Variants in AMPD3 observed in about 807,000 individuals in gnomAD.
AMPD3 encodes the protein AMP deaminase 3.
A neutral mutation model predicts 82.3 loss-of-function variants in AMPD3; 57 were observed. The observed-to-expected ratio is 0.69, with a 90% CI of 0.56 to 0.86. The LOEUF (loss-of-function observed/expected upper bound fraction) is 0.86, where lower values mean the gene tolerates loss of function less well. Ranked by LOEUF, AMPD3 falls within the 40% of genes least tolerant of loss-of-function variation. AMPD3 has a pLI of 0.00. For synonymous variants in AMPD3, 381 were observed against 394.7 expected, an observed-to-expected ratio of 0.97 and a Z score of 0.41; for missense variants, 870 against 1,003.8, an observed-to-expected ratio of 0.87 and a Z score of 1.80.
At chr11:10,478,355 C>A in intron 2 of AMPD3, 171 bp from the exon 3 acceptor site, 1 of 984,462 alleles carries the variant, frequency 1.0e-6, no homozygotes, top group Non-Finnish European at 1.2e-6. Flanking sequence ...CTATCTCAGG[C>A]AGACATGTGT....
rs1317887827 is a variant in AMPD3 at position 10,485,033 on chromosome 11, G to T, written c.803G>T (p.Gly268Val). The T allele has an allele frequency of 6.2e-7, 1 of 1,613,024 alleles. No individual in the cohort carries two copies. Among genetic ancestry groups the T allele is most frequent in the South Asian group, 1.1e-5 (1 of 90,978 alleles). ...MSHILALITDGPTKTYCHRRL... is the reference protein window; with the variant it reads ...MSHILALITDVPTKTYCHRRL... ...CACATCCTGGCTCTCATCACCGATG[G>T]CCCCACGTAAGCTAGCTTCTCCGCG... is the stretch of plus-strand genomic sequence containing the variant. The change falls in exon 5 of 15, where the codon GGC (glycine) becomes GTC (valine). Residue 268 changes from glycine to valine, a missense_variant. By Grantham distance (109) the Gly-to-Val change is moderately radical. Coordinates refer to ENST00000396553, the MANE Select transcript of AMPD3 (RefSeq NM_001025389.2).
At chr11:10,505,089 G>C in intron 14 of AMPD3, 1 of 984,100 alleles carries the variant, frequency 1.0e-6, no homozygotes, top group Non-Finnish European at 1.2e-6. Context: ...AATATTTCTT[G>C]AATAGATGAA....
At position 10,495,119 on chromosome 11, in the gene AMPD3, C is replaced by T. The variant is rs189967662; in HGVS notation, c.1266+89C>T. ...TGGGGGCCCTGTGTGCCCCTGGCCC[C>T]TTCCCCTCCCTCTGTGTACCATCAG... On this transcript the variant is annotated intron_variant, in intron 8 of 14. Coordinates refer to ENST00000396553, the MANE Select transcript of AMPD3 (RefSeq NM_001025389.2). 12,232 of 1,611,182 alleles carry T rather than the reference C, an allele frequency of 7.6e-3. 66 individuals carry two copies. Among genetic ancestry groups the T allele is most frequent in the Non-Finnish European group, 9.5e-3 (11,253 of 1,179,012 alleles).
At chr11:10,493,225 T>G in intron 6 of AMPD3, 124 bp from the exon 7 acceptor site, 1 of 1,122,878 alleles carries the variant, frequency 8.9e-7, no homozygotes, top group Non-Finnish European at 1.3e-6. Context: ...ATCCAGACAC[T>G]GGTGGGGCTG....
At chr11:10,457,756 A>G (rs7109334) in intron 1 of AMPD3, among the ~76,000 whole-genome samples, 26,947 of 151,980 alleles carry the variant, frequency 0.18, 2,646 homozygotes, top group Admixed American at 0.29. Context: ...TTAGCCAGGC[A>G]TAGTGGTGTG....
At chr11:10,494,123 T>A (rs567063122) in intron 7 of AMPD3, among the ~76,000 whole-genome samples, 24 of 152,158 alleles carry the variant, frequency 1.6e-4, no homozygotes, top group Non-Finnish European at 2.9e-4. Context: ...ATGTGGTATA[T>A]CCATACAACG....
intron 6 of AMPD3, among the ~76,000 whole-genome samples, chr11:10,492,981 G>A (rs1287486677): frequency 6.6e-6 from 1 of 152,184 alleles, no homozygotes; most frequent in Non-Finnish European, 1.5e-5. Context: ...AGCACAGAAT[G>A]GGGCAGTGGC....
In AMPD3 at chr11:10,456,156, G is replaced by A. The variant is rs1848086838; in HGVS notation, c.-6+708G>A. ...ACTGGGATTACCTGGGGACTTCAGG[G>A]CTCTTGGAAATTTTCCACTCATATT... is the stretch of plus-strand genomic sequence containing the variant. On this transcript the variant is annotated intron_variant, in intron 1 of 14. Transcript: ENST00000396553. This position sits in a 1 kb window ranked among gnomAD's most constrained non-coding sequence, Gnocchi z 4.3. The A allele has an allele frequency of 4.3e-6, 6 of 1,392,974 alleles. No individual in the cohort carries two copies. The highest frequency in any genetic ancestry group is 4.6e-6 in the Non-Finnish European group (5 of 1,075,598). 86.3% of individuals were successfully genotyped at this position (1,392,974 alleles called of 1,614,324 possible).
In AMPD3 at chr11:10,478,523, TAGAA is replaced by T. The variant is rs762671001; in HGVS notation, c.225_228del (p.Lys76ValfsTer4). 3.1e-6 allele frequency: 5 copies of T among 1,614,142 alleles called. No homozygotes were observed. The East Asian group carries it at 6.7e-5, about 22-fold the overall frequency. ...CCCACTTTTCCTTGTCCTTGGCTCT[TAGAA>T]AGAAAAGTTTCAAGATGATTCGGTC... On this transcript the variant is annotated splice_acceptor_variant and coding_sequence_variant, in exon 3 of 15. Coordinates refer to ENST00000396553, the MANE Select transcript of AMPD3 (RefSeq NM_001025389.2). LOFTEE classifies it high-confidence loss of function.
At chr11:10,476,199 T>G (rs1401357323) in intron 2 of AMPD3, among the ~76,000 whole-genome samples, 1 of 151,990 alleles carries the variant, frequency 6.6e-6, no homozygotes, top group Admixed American at 6.6e-5. Flanking sequence ...TCAAGGGGAG[T>G]GAGCCCTGAG....
chr11:10,495,213 A>G (rs1849358052), intron 8 of AMPD3, 183 bp downstream of exon 8: 1 of 985,264 alleles, frequency 1.0e-6, no homozygotes, highest in African/African-American at 1.7e-5. Flanking sequence ...GCAGTGCTGC[A>G]TGTGCCAACT....
intron 2 of AMPD3, 126 bp downstream of exon 2, chr11:10,461,866 T>TAAGG: frequency 1.1e-6 from 1 of 883,740 alleles, no homozygotes; most frequent in Non-Finnish European, 1.8e-6. Flanking sequence ...GTTGGTTCCT[T>TAAGG]AACCAAGACC....
intron 4 of AMPD3, 117 bp from the exon 5 acceptor site, chr11:10,484,703 G>A: frequency 1.5e-6 from 2 of 1,321,008 alleles, no homozygotes; most frequent in Non-Finnish European, 2.2e-6. Context: ...TGAGATGCGG[G>A]GCCGGCGCAG....
chr11:10,496,555 C>A, intron 9 of AMPD3: 1 of 985,232 alleles, frequency 1.0e-6, no homozygotes, highest in Middle Eastern at 5.2e-4. Context: ...TGCCACCATC[C>A]CATTCCTAGT....
At chr11:10,497,770 G>T (rs973415208) in intron 10 of AMPD3, 17 of 985,152 alleles carry the variant, frequency 1.7e-5, no homozygotes, top group Non-Finnish European at 2.0e-5. Flanking sequence ...GGAGACAGGA[G>T]GGGAGCTTGA....
chr11:10,464,624 G>C (rs1338264834), intron 2 of AMPD3, among the ~76,000 whole-genome samples: 1 of 152,146 alleles, frequency 6.6e-6, no homozygotes, highest in East Asian at 1.9e-4. Context: ...CTGAAAAAAA[G>C]CTTGGTCCCT....
rs1849723894 is a variant in AMPD3, at chr11:10,506,781, T to C, written c.*897T>C. 6.6e-6 allele frequency: 1 copy of C among 152,246 alleles called. No individual in the cohort carries two copies. The highest frequency in any genetic ancestry group is 2.4e-5 in the African/African-American group (1 of 41,454). The allele number at this position is 152,246 out of a possible 1,614,324, so 9.4% of individuals were successfully genotyped here. ...TTTACCAATTAAGAGTTAGGCCAGA[T>C]AAGTGAAATTTAACTTAAGGGCACA... On this transcript the variant is annotated 3_prime_UTR_variant, in exon 15 of 15. Transcript: ENST00000396553. The surrounding 1 kb of genome is among the most constrained non-coding windows in gnomAD (Gnocchi z 4.1).
At chr11:10,457,828 G>A (rs892843830) in intron 1 of AMPD3, among the ~76,000 whole-genome samples, 4 of 152,170 alleles carry the variant, frequency 2.6e-5, no homozygotes, top group African/African-American at 4.8e-5. Flanking sequence ...CTGTGAGGTC[G>A]AGGCTGCAGT....
Position 10,499,744 on chromosome 11 carries a change from C to T in AMPD3, c.1558-342C>T, listed in dbSNP as rs1436038489. ...ATGGCCACTCCTCCCTGCAGGCTGG[C>T]CTCGGCATAGCAGAGGGGCAGGTGG... On this transcript the variant is annotated intron_variant, in intron 10 of 14. Coordinates refer to ENST00000396553, the MANE Select transcript of AMPD3 (RefSeq NM_001025389.2). 9.1e-6 allele frequency: 9 copies of T among 985,448 alleles called. No individual in the cohort carries two copies. The East Asian group carries it at 9.1e-4, about 99-fold the overall frequency. 61.0% of individuals were successfully genotyped at this position (985,448 alleles called of 1,614,324 possible). A position where few individuals can be genotyped will look rare whatever the true frequency, so the allele number is the denominator to read the frequency against.
Sources: gnomAD v4.1 joint callset for allele counts (sites outside exome capture counted in the v4.1 genomes callset) on GRCh38, gnomAD v4.1.1 for gene constraint, Gnocchi (gnomAD v3.1) non-coding constraint, MANE v1.5 for transcripts, NCBI Gene and HGNC (gene_info 2026-07-23, HGNC 2026-07-21) for gene names.